Variants in CFAP126 observed in about 807,000 individuals in gnomAD.
CFAP126 encodes cilia and flagella associated protein 126.
In CFAP126, 21 loss-of-function variants were observed where a neutral mutation model predicts 17.1. That is an observed-to-expected ratio of 1.23 (90% CI 0.87 to 1.77). CFAP126 has a LOEUF of 1.77. Ranked by LOEUF, CFAP126 falls within the 40% of genes most tolerant of loss-of-function variation. The probability of loss-of-function intolerance (pLI) is 0.00; values close to 1 mark genes in which losing one functional copy is unlikely to be tolerated. For missense variants in CFAP126, 174 were observed against 215.4 expected (o/e 0.81, Z 1.20); for synonymous variants, 65 against 73.5 (o/e 0.88, Z 0.59).
Position 161,367,768 on chromosome 1 carries a change from TGA to T in CFAP126, c.27+72_27+73del. The T allele has an allele frequency of 8.3e-6, 11 of 1,331,314 alleles. No homozygotes were observed. In the South Asian group the frequency reaches 1.2e-4, roughly 14 times the overall value. The allele number at this position is 1,331,314 out of a possible 1,614,324, so 82.5% of individuals were successfully genotyped here. On this transcript the variant is annotated intron_variant, in intron 1 of 4. Coordinates refer to ENST00000367974, the MANE Select transcript of CFAP126 (RefSeq NM_001013625.4). ...TATCTGTTCAAAGATCAGAATCCTA[TGA>T]GAGGGGACAGTCCAAAGATAGAATC...
chr1:161,367,803 C>T, intron 1 of CFAP126, 39 bp downstream of exon 1: 1 of 1,591,008 alleles, frequency 6.3e-7, no homozygotes, highest in African/African-American at 1.3e-5. Context: ...ATCTGAAAAA[C>T]AAAAGTAAAC....
At position 161,365,523 on chromosome 1, in the gene CFAP126, T is replaced by TA. The variant is rs1194808317; in HGVS notation, c.348+2dup. On this transcript the variant is annotated splice_region_variant and intron_variant, in intron 4 of 4. Transcript: ENST00000367974. ...TTTTGGGTTAGATGGGAAGAATAGATACCTTGCCTAAGATTTCAGGACACA... is the reference window on the plus strand; with the variant it reads ...TTTTGGGTTAGATGGGAAGAATAGATAACCTTGCCTAAGATTTCAGGACACA... The TA allele has an allele frequency of 1.2e-6, 2 of 1,613,904 alleles. No homozygotes were observed. Among genetic ancestry groups the TA allele is most frequent in the African/African-American group, 1.3e-5 (1 of 74,936 alleles).
intron 1 of CFAP126, 95 bp from the exon 2 acceptor site, chr1:161,366,596 G>C (rs745619236): frequency 2.1e-5 from 24 of 1,128,122 alleles, no homozygotes; most frequent in Non-Finnish European, 3.2e-5. Flanking sequence ...GAAGACCAAA[G>C]GCCTGACCAA....
At chr1:161,366,315 G>A in intron 2 of CFAP126, 37 bp from the exon 3 acceptor site, 1 of 1,584,638 alleles carries the variant, frequency 6.3e-7, no homozygotes, top group Non-Finnish European at 8.7e-7. Context: ...GTTTGTGAGG[G>A]GAAAAAGGGA....
rs750492869 is a variant in CFAP126, at chr1:161,366,432, G to A, written c.90+7C>T. ...GCTATCTTGTAGGTGCACTGAACATGGAATACCTCTTTTGTTGGCTTAGTG... is the reference window on the plus strand; with the variant it reads ...GCTATCTTGTAGGTGCACTGAACATAGAATACCTCTTTTGTTGGCTTAGTG... On this transcript the variant is annotated splice_region_variant and intron_variant, in intron 2 of 4. Transcript: ENST00000367974. 2 of 1,612,974 alleles carry A rather than the reference G, an allele frequency of 1.2e-6. No individual in the cohort carries two copies. The highest frequency in any genetic ancestry group is 2.2e-5 in the South Asian group (2 of 91,056).
In CFAP126 at chr1:161,364,958, T is replaced by A; in HGVS notation, c.*7A>T. On this transcript the variant is annotated 3_prime_UTR_variant, in exon 5 of 5. Transcript: ENST00000367974. Reference sequence around the variant, plus strand: ...GTTCTAGCATACGTGGACTTCCAGGTGGGCTCTTAGGATTTGGCTGGTCTT... The same window carrying A: ...GTTCTAGCATACGTGGACTTCCAGGAGGGCTCTTAGGATTTGGCTGGTCTT... 2 of 1,613,116 alleles carry A rather than the reference T, an allele frequency of 1.2e-6. No homozygotes were observed. Among genetic ancestry groups the A allele is most frequent in the Non-Finnish European group, 1.7e-6 (2 of 1,179,322 alleles).
At position 161,364,950 on chromosome 1, in the gene CFAP126, C is replaced by A. The variant is rs760797668; in HGVS notation, c.*15G>T. ...TGCCCAGAGTTCTAGCATACGTGGA[C>A]TTCCAGGTGGGCTCTTAGGATTTGG... is the stretch of plus-strand genomic sequence containing the variant. On this transcript the variant is annotated 3_prime_UTR_variant, in exon 5 of 5. Transcript: ENST00000367974. 1 of 1,611,646 alleles carries A rather than the reference C, an allele frequency of 6.2e-7. No homozygotes were observed. Among genetic ancestry groups the A allele is most frequent in the South Asian group, 1.1e-5 (1 of 91,008 alleles).
chr1:161,366,228 A>T lies in CFAP126; in HGVS notation c.141T>A (p.Gly47=). 1.2e-6 allele frequency: 2 copies of T among 1,613,876 alleles called. No homozygotes were observed. Among genetic ancestry groups the T allele is most frequent in the South Asian group, 1.1e-5 (1 of 91,076 alleles). ...GYTQIIANDR[G]HLLPSVPRSK... ...AACGGGGCACAGAAGGCAGTAGATG[A>T]CCACGATCGTTGGCAATAATTTGAG... The change falls in exon 3 of 5, where the codon GGT becomes GGA. Residue 47 remains glycine (G), a synonymous_variant. Transcript: ENST00000367974.
intron 3 of CFAP126, 37 bp downstream of exon 3, chr1:161,366,157 ATTAT>A: frequency 6.8e-7 from 1 of 1,461,466 alleles, no homozygotes; most frequent in South Asian, 1.1e-5. Flanking sequence ...CTGTGCCTTA[ATTAT>A]TTGACTTTCT....
intron 1 of CFAP126, 49 bp from the exon 2 acceptor site, chr1:161,366,550 C>G (rs750633105): frequency 6.5e-7 from 1 of 1,539,824 alleles, no homozygotes; most frequent in Admixed American, 1.7e-5. Flanking sequence ...GGCCCCAAAC[C>G]CAGGAAATGA....
At chr1:161,365,491 TAC>T (rs1558188822) in intron 4 of CFAP126, 33 bp downstream of exon 4, 1 of 1,607,662 alleles carries the variant, frequency 6.2e-7, no homozygotes, top group African/African-American at 1.3e-5. Flanking sequence ...AAATTGAGAC[TAC>T]AGGGTTTTGG....
intron 4 of CFAP126, 122 bp downstream of exon 4, chr1:161,365,404 A>G (rs1672693074): frequency 1.6e-6 from 2 of 1,216,396 alleles, no homozygotes; most frequent in Admixed American, 1.9e-5. Context: ...ACTAGTCAAG[A>G]TAAGACAAAT....
At chr1:161,365,726 A>G in intron 3 of CFAP126, 24 bp from the exon 4 acceptor site, 1 of 1,547,520 alleles carries the variant, frequency 6.5e-7, no homozygotes, top group South Asian at 1.2e-5. Context: ...GGGATTCCTC[A>G]GTAGGGCTTC....
chr1:161,365,590 C>T lies in CFAP126; in HGVS notation c.284G>A (p.Trp95Ter), dbSNP rs1459694831. ...GAGTAAATCAGGATTTTTCTGTATCCATTTGGTGAGGGAGGCAGCACCAGC... is the reference window on the plus strand; with the variant it reads ...GAGTAAATCAGGATTTTTCTGTATCTATTTGGTGAGGGAGGCAGCACCAGC... ...TTAGAASLTK[W>*]IQKNPDLLKA... Residue 95 changes from tryptophan (W) to a stop codon, truncating the protein, a stop_gained, in exon 4 of 5, where the codon TGG (tryptophan) becomes TAG (stop). Transcript: ENST00000367974. LOFTEE classifies it high-confidence loss of function. The T allele has an allele frequency of 6.2e-7, 1 of 1,614,080 alleles. No homozygotes were observed. Among genetic ancestry groups the T allele is most frequent in the South Asian group, 1.1e-5 (1 of 91,076 alleles).
Position 161,364,821 on chromosome 1 carries a change from C to T in CFAP126, c.*144G>A. On this transcript the variant is annotated 3_prime_UTR_variant, in exon 5 of 5. Transcript: ENST00000367974. The stretch of plus-strand genomic sequence containing the variant: ...TGTTTCACAGTTCTGACTGGGGGCT[C>T]TTGTTTATTTCACTGAGTCGCTATA... 1 of 799,710 alleles carries T rather than the reference C, an allele frequency of 1.3e-6. No individual in the cohort carries two copies. Among genetic ancestry groups the T allele is most frequent in the Non-Finnish European group, 1.9e-6 (1 of 517,762 alleles). 49.5% of individuals were successfully genotyped at this position (799,710 alleles called of 1,614,324 possible).
At chr1:161,366,312 A>AG in intron 2 of CFAP126, 34 bp from the exon 3 acceptor site, 2 of 1,586,562 alleles carry the variant, frequency 1.3e-6, no homozygotes, top group Non-Finnish European at 1.7e-6. Flanking sequence ...AAGGTTTGTG[A>AG]GGGGAAAAAG....
At chr1:161,365,829 TC>T in intron 3 of CFAP126, 127 bp from the exon 4 acceptor site, 1 of 915,566 alleles carries the variant, frequency 1.1e-6, no homozygotes, top group Non-Finnish European at 1.6e-6. Context: ...AGCATAATCT[TC>T]CCACCCTTCC....
rs1343447857 is a variant in CFAP126, at chr1:161,366,500, TA to T, written c.28del (p.Tyr10MetfsTer63). 6.2e-7 allele frequency: 1 copy of T among 1,613,920 alleles called. No homozygotes were observed. Among genetic ancestry groups the T allele is most frequent in the Non-Finnish European group, 8.5e-7 (1 of 1,179,846 alleles). On this transcript the variant is annotated frameshift_variant and splice_region_variant, in exon 2 of 5. Coordinates refer to ENST00000367974, the MANE Select transcript of CFAP126 (RefSeq NM_001013625.4). LOFTEE classifies it high-confidence loss of function. MATNYSANQ[Y>X]EKAFSSKYLQ... is the part of the protein sequence containing the mutation. ...ATACTTGGATGAGAAAGCCTTTTCA[TA>T]CTGTGGAGAGAAAGATAAGTAGCCC...
intron 1 of CFAP126, chr1:161,367,592 C>T (rs1672776921): frequency 5.0e-6 from 2 of 400,098 alleles, no homozygotes; most frequent in African/African-American, 4.1e-5. Flanking sequence ...GCCTGCAAAG[C>T]CTAAAATTTT....
Sources: allele counts gnomAD v4.1 joint callset, GRCh38; gene constraint gnomAD v4.1.1; transcripts MANE v1.5; gene names NCBI Gene and HGNC (gene_info 2026-07-23, HGNC 2026-07-21).